Variants in EDIL3 observed in about 807,000 individuals in gnomAD.
EDIL3 encodes the protein EGF-like repeat and discoidin I-like domain-containing protein 3.
A neutral mutation model predicts 67.4 loss-of-function variants in EDIL3; 37 were observed. The ratio of observed to expected loss-of-function variants is 0.55; its 90% CI spans 0.42 to 0.72. The LOEUF (loss-of-function observed/expected upper bound fraction) is 0.72, where lower values mean the gene tolerates loss of function less well. Ranked by LOEUF, EDIL3 falls within the 30% of genes least tolerant of loss-of-function variation. EDIL3 has a pLI of 0.00. For missense variants in EDIL3, 527 were observed against 586.3 expected, an observed-to-expected ratio of 0.90 and a Z score of 1.04; for synonymous variants, 195 against 196.3, an observed-to-expected ratio of 0.99 and a Z score of 0.05.
chr5:84,185,581 T>C (rs16900956), intron 3 of EDIL3, among the ~76,000 whole-genome samples: 5,468 of 152,244 alleles, frequency 0.036, 163 homozygotes, highest in Non-Finnish European at 0.056. Context: ...TTCTAAAAAT[T>C]ATATTTGCTG....
chr5:84,148,892 C>T lies in EDIL3; in HGVS notation c.356-11538G>A, dbSNP rs141260981. ...GTGATAATTTTGGGATTCATGAGAACTCTGCTTCTGGCCTAGACATAGTAA... is the reference window on the plus strand; with the variant it reads ...GTGATAATTTTGGGATTCATGAGAATTCTGCTTCTGGCCTAGACATAGTAA... On this transcript the variant is annotated intron_variant, in intron 4 of 10. Transcript: ENST00000296591. Among the ~76,000 whole-genome samples, 360 of 151,060 alleles carry T rather than the reference C, an allele frequency of 2.4e-3. 2 individuals are homozygous for T. The highest frequency in any genetic ancestry group is 8.3e-3 in the African/African-American group (341 of 41,094).
chr5:84,106,599 T>A (rs1747466919), intron 6 of EDIL3, 50 bp downstream of exon 6: 2 of 1,497,452 alleles, frequency 1.3e-6, no homozygotes, highest in Non-Finnish European at 1.8e-6. Context: ...ATGACCAGAA[T>A]CATTTAAAAA....
intron 1 of EDIL3, among the ~76,000 whole-genome samples, chr5:84,363,169 A>C (rs1747649696): frequency 6.6e-6 from 1 of 152,084 alleles, no homozygotes; most frequent in Admixed American, 6.6e-5. Flanking sequence ...TTTGGGTTGG[A>C]ATCTTAGTTA....
chr5:84,095,702 T>G (rs1329432132), intron 6 of EDIL3, among the ~76,000 whole-genome samples: 2 of 152,134 alleles, frequency 1.3e-5, no homozygotes, highest in Non-Finnish European at 2.9e-5. Flanking sequence ...GTTTGGAAAA[T>G]TTGCAGCCTG....
chr5:84,008,972 C>T (rs890436881), intron 9 of EDIL3, among the ~76,000 whole-genome samples: 1 of 152,080 alleles, frequency 6.6e-6, no homozygotes, highest in Admixed American at 6.6e-5. Context: ...ACCACCACAT[C>T]TGGCTAATTT....
chr5:84,029,181 T>C (rs987926017), intron 9 of EDIL3, among the ~76,000 whole-genome samples: 3 of 152,196 alleles, frequency 2.0e-5, no homozygotes, highest in Admixed American at 2.0e-4. Flanking sequence ...GGCATGAACC[T>C]GGGAGGTGGA....
At position 84,150,232 on chromosome 5, in the gene EDIL3, C is replaced by T. The variant is rs535185173; in HGVS notation, c.356-12878G>A. 1.2e-4 allele frequency among the ~76,000 whole-genome samples: 18 copies of T among 152,174 alleles called. No homozygotes were observed. The South Asian group carries it at 3.7e-3, about 32-fold the overall frequency. The stretch of plus-strand genomic sequence containing the variant: ...GAATATATGTAAAATACACTTAGAA[C>T]TACATAAGAAATCACTCAAAATAGA... On this transcript the variant is annotated intron_variant, in intron 4 of 10. Coordinates refer to ENST00000296591, the MANE Select transcript of EDIL3 (RefSeq NM_005711.5).
At chr5:84,058,073 T>C (rs775639801) in intron 9 of EDIL3, among the ~76,000 whole-genome samples, 2 of 152,238 alleles carry the variant, frequency 1.3e-5, no homozygotes, top group Non-Finnish European at 2.9e-5. Flanking sequence ...AGCTGAAGGA[T>C]TTAAATATAA....
At chr5:83,984,028 G>A (rs1034836544) in intron 9 of EDIL3, among the ~76,000 whole-genome samples, 2 of 151,954 alleles carry the variant, frequency 1.3e-5, no homozygotes, top group African/African-American at 4.8e-5. Context: ...ACTCAGCATT[G>A]ACTTAAGAGG....
chr5:83,961,033 T>A (rs1715040111), intron 10 of EDIL3, among the ~76,000 whole-genome samples: 1 of 151,036 alleles, frequency 6.6e-6, no homozygotes, highest in South Asian at 2.1e-4. Context: ...AAAAATCATA[T>A]GCTAAGGTAG....
intron 5 of EDIL3, among the ~76,000 whole-genome samples, chr5:84,113,338 C>T (rs1747606849): frequency 6.6e-6 from 1 of 152,084 alleles, no homozygotes. Flanking sequence ...TTTCAGGCAC[C>T]TTTTATACAG....
intron 10 of EDIL3, among the ~76,000 whole-genome samples, chr5:83,949,173 C>CTACAGCACTA (rs1744363973): frequency 2.0e-5 from 3 of 151,572 alleles, no homozygotes; most frequent in Non-Finnish European, 4.4e-5. Context: ...ACAGGGCAGC[C>CTACAGCACTA]CAACAACACT....
chr5:84,274,806 C>T (rs143851698), intron 1 of EDIL3, among the ~76,000 whole-genome samples: 514 of 151,614 alleles, frequency 3.4e-3, no homozygotes, highest in African/African-American at 0.011. Context: ...CACACACACA[C>T]ACAAAGAGAG....
intron 1 of EDIL3, among the ~76,000 whole-genome samples, chr5:84,256,119 A>T (rs62363024): frequency 2.4e-3 from 359 of 147,122 alleles, no homozygotes; most frequent in African/African-American, 4.8e-3. Context: ...TTATCATCTA[A>T]CTATCTATCT....
intron 5 of EDIL3, among the ~76,000 whole-genome samples, chr5:84,136,604 G>C (rs1266592585): frequency 6.6e-6 from 1 of 152,122 alleles, no homozygotes; most frequent in African/African-American, 2.4e-5. Context: ...CAAATAAATA[G>C]TGTGCAACAT....
At chr5:84,039,227 C>T (rs1746077157) in intron 9 of EDIL3, among the ~76,000 whole-genome samples, 1 of 151,978 alleles carries the variant, frequency 6.6e-6, no homozygotes, top group Admixed American at 6.6e-5. Context: ...CATTTAGAGT[C>T]ATTCAGGGGC....
At chr5:84,071,066 C>A (rs898443626) in intron 6 of EDIL3, among the ~76,000 whole-genome samples, 2 of 152,162 alleles carry the variant, frequency 1.3e-5, no homozygotes, top group Non-Finnish European at 2.9e-5. Context: ...AGTCTGCAGG[C>A]ACTAGCAGGC....
intron 1 of EDIL3, among the ~76,000 whole-genome samples, chr5:84,372,833 C>T (rs1321436803): frequency 6.6e-6 from 1 of 152,102 alleles, no homozygotes; most frequent in African/African-American, 2.4e-5. Flanking sequence ...AAGCATTGAT[C>T]TTAATGAGAT....
At chr5:83,972,940 A>G (rs1744818519) in intron 9 of EDIL3, among the ~76,000 whole-genome samples, 3 of 152,108 alleles carry the variant, frequency 2.0e-5, no homozygotes, top group South Asian at 2.1e-4. Context: ...AATTTTAGTT[A>G]TAAGTAACTA....
Sources: allele counts gnomAD v4.1 joint callset (sites outside exome capture counted in the v4.1 genomes callset), GRCh38; gene constraint gnomAD v4.1.1; transcripts MANE v1.5; gene names NCBI Gene and HGNC (gene_info 2026-07-23, HGNC 2026-07-21).